SULT1B1: variants seen among roughly 807,000 people sequenced by gnomAD.
The protein encoded by SULT1B1 is sulfotransferase family 1B member 1, also known as sulfotransferase 1B1.
Under a neutral mutation model 34.6 loss-of-function variants are expected in SULT1B1, and 28 were observed. That is an observed-to-expected ratio of 0.81 (90% CI 0.60 to 1.11). The LOEUF is 1.11. Ranked by LOEUF, SULT1B1 falls within the 50% of genes least tolerant of loss-of-function variation. The pLI, the probability that SULT1B1 is intolerant of heterozygous loss-of-function variation, is 0.00. For missense variants in SULT1B1, 374 were observed against 352.2 expected (o/e 1.06, Z -0.50); for synonymous variants, 147 against 110.2 (o/e 1.33, Z -2.09).
At chr4:69,728,040 C>CT (rs1346929555) in intron 7 of SULT1B1, among the ~76,000 whole-genome samples, 2 of 151,856 alleles carry the variant, frequency 1.3e-5, no homozygotes, top group African/African-American at 4.8e-5. Context: ...TATAGATATG[C>CT]TTTTTTCCCT....
intron 3 of SULT1B1, among the ~76,000 whole-genome samples, chr4:69,753,094 T>C (rs1445066529): frequency 7.2e-5 from 11 of 152,212 alleles, no homozygotes. Context: ...AATGAATATA[T>C]TTTTACAAGC....
Position 69,733,424 on chromosome 4 carries a change from C to A in SULT1B1, c.586G>T (p.Asp196Tyr). 5 of 1,600,928 alleles carry A rather than the reference C, an allele frequency of 3.1e-6. No homozygotes were observed. The highest frequency in any genetic ancestry group is 4.3e-6 in the Non-Finnish European group (5 of 1,173,910). The change falls in exon 6 of 8, where the codon GAT (aspartate) becomes TAT (tyrosine). Residue 196 changes from aspartate to tyrosine, a missense_variant. Coordinates refer to ENST00000310613, the MANE Select transcript of SULT1B1 (RefSeq NM_014465.4). ...EHPILFLYYE[D>Y]MKENPKEEIK... The stretch of plus-strand genomic sequence containing the variant: ...ATCTACCATTTTACCTCTTTCATAT[C>A]TTCATAGTACAAAAAAAGTATTGGG...
At chr4:69,737,899 G>T (rs756750934) in intron 4 of SULT1B1, among the ~76,000 whole-genome samples, 2 of 152,094 alleles carry the variant, frequency 1.3e-5, no homozygotes, top group Non-Finnish European at 2.9e-5. Flanking sequence ...GTGGGCGCAT[G>T]TGCAGATTTG....
At chr4:69,747,476 C>T (rs1197169085) in intron 4 of SULT1B1, among the ~76,000 whole-genome samples, 1 of 152,182 alleles carries the variant, frequency 6.6e-6, no homozygotes, top group Non-Finnish European at 1.5e-5. Flanking sequence ...TAGAAGCCAG[C>T]ACAGAGAGGA....
intron 1 of SULT1B1, among the ~76,000 whole-genome samples, chr4:69,758,889 T>C (rs1192060224): frequency 2.0e-5 from 3 of 152,232 alleles, no homozygotes; most frequent in South Asian, 2.1e-4. Context: ...TTACAGTCCA[T>C]GTACAAGCCC....
At position 69,723,105 on chromosome 4, in the gene SULT1B1, C is replaced by A. The variant is rs1288231326; in HGVS notation, c.*3983G>T. 1 of 151,802 alleles carries A rather than the reference C, an allele frequency of 6.6e-6. No individual in the cohort carries two copies. The highest frequency in any genetic ancestry group is 1.5e-5 in the Non-Finnish European group (1 of 67,950). 9.4% of individuals were successfully genotyped at this position (151,802 alleles called of 1,614,324 possible). On this transcript the variant is annotated 3_prime_UTR_variant, in exon 8 of 8. Transcript: ENST00000310613. ...GGAGCTGGTTTTTCGAAAAGATCAA[C>A]AAAATTGATAGACCACCAGCAAGAC...
rs958910046 is a variant in SULT1B1, at chr4:69,754,657, G to A, written c.277+13C>T. On this transcript the variant is annotated intron_variant, in intron 3 of 7. Coordinates refer to ENST00000310613, the MANE Select transcript of SULT1B1 (RefSeq NM_014465.4). ...ATATTACAAAATAATAATTCCAAGT[G>A]GGTTAAATTTACCTGATGTTCTTAA... The A allele has an allele frequency of 6.2e-7, 1 of 1,610,352 alleles. No individual in the cohort carries two copies. The highest frequency in any genetic ancestry group is 1.3e-5 in the African/African-American group (1 of 74,708).
rs1387632176 is a variant in SULT1B1 at position 69,723,786 on chromosome 4, C to G, written c.*3302G>C. Reference sequence around the variant, plus strand: ...CCAAAGACAAAAACCACATGATTATCTCAATAGATGCAGAAAAGGCCTTTG... The same window carrying G: ...CCAAAGACAAAAACCACATGATTATGTCAATAGATGCAGAAAAGGCCTTTG... On this transcript the variant is annotated 3_prime_UTR_variant, in exon 8 of 8. Coordinates refer to ENST00000310613, the MANE Select transcript of SULT1B1 (RefSeq NM_014465.4). 5.9e-5 allele frequency: 9 copies of G among 152,172 alleles called. No homozygotes were observed. Among genetic ancestry groups the G allele is most frequent in the African/African-American group, 9.7e-5 (4 of 41,450 alleles). 9.4% of individuals were successfully genotyped at this position (152,172 alleles called of 1,614,324 possible).
At chr4:69,737,035 CTA>C (rs1718347557) in intron 4 of SULT1B1, among the ~76,000 whole-genome samples, 3 of 150,802 alleles carry the variant, frequency 2.0e-5, no homozygotes, top group Non-Finnish European at 4.4e-5. Flanking sequence ...AAAAAAAAAA[CTA>C]TGTCAAGAAA....
chr4:69,760,183 A>T (rs1193011273), intron 1 of SULT1B1: 14 of 976,714 alleles, frequency 1.4e-5, no homozygotes, highest in Non-Finnish European at 1.7e-5. Context: ...CTTGAAAAAG[A>T]TTTCTTTTTC....
At chr4:69,744,549 C>T (rs1300949460) in intron 4 of SULT1B1, among the ~76,000 whole-genome samples, 1 of 152,226 alleles carries the variant, frequency 6.6e-6, no homozygotes, top group Non-Finnish European at 1.5e-5. Flanking sequence ...CTAGCAGTCT[C>T]TGCAGGTTCC....
chr4:69,743,976 C>A (rs551289391), intron 4 of SULT1B1, among the ~76,000 whole-genome samples: 1 of 152,222 alleles, frequency 6.6e-6, no homozygotes, highest in East Asian at 1.9e-4. Flanking sequence ...CTGCTCCTGG[C>A]CCCCAAAAGC....
In SULT1B1 at chr4:69,734,268, C is replaced by T. The variant is rs368506503; in HGVS notation, c.376-4G>A. The T allele has an allele frequency of 2.3e-5, 37 of 1,607,660 alleles. No individual in the cohort carries two copies. The highest frequency in any genetic ancestry group is 2.8e-5 in the Non-Finnish European group (33 of 1,177,542). ...CATTACGAGCCAGATAAATCATCTG[C>T]AGTGGGGGGTGGGGGTAGGAGAAAA... On this transcript the variant is annotated splice_polypyrimidine_tract_variant and splice_region_variant and intron_variant, in intron 4 of 7. Transcript: ENST00000310613.
At chr4:69,734,849 C>T (rs531415498) in intron 4 of SULT1B1, among the ~76,000 whole-genome samples, 6 of 126,666 alleles carry the variant, frequency 4.7e-5, no homozygotes, top group Non-Finnish European at 8.1e-5. Flanking sequence ...TTTTTTGAGA[C>T]GCCCTGTCGC....
chr4:69,749,182 C>T (rs1186662867), intron 4 of SULT1B1, among the ~76,000 whole-genome samples: 1 of 151,980 alleles, frequency 6.6e-6, no homozygotes, highest in Non-Finnish European at 1.5e-5. Context: ...ACAAATCCTG[C>T]AGCCGTTAAA....
At chr4:69,753,724 T>A (rs2110031338) in intron 3 of SULT1B1, among the ~76,000 whole-genome samples, 1 of 152,370 alleles carries the variant, frequency 6.6e-6, no homozygotes, top group Non-Finnish European at 1.5e-5. Context: ...GCTGTCATCT[T>A]ACACATTTTA....
rs544880896 is a variant in SULT1B1 at position 69,729,202 on chromosome 4, T to C, written c.778+1299A>G. 3.3e-5 allele frequency among the ~76,000 whole-genome samples: 5 copies of C among 152,198 alleles called. No homozygotes were observed. In the South Asian group the frequency reaches 1.0e-3, roughly 32 times the overall value. ...CCAGGAAAAAGAATATATATGTACA[T>C]GTACACAACTGACCCTTGAACAATA... On this transcript the variant is annotated intron_variant, in intron 7 of 7. Transcript: ENST00000310613.
intron 4 of SULT1B1, among the ~76,000 whole-genome samples, chr4:69,747,038 C>A (rs1303284630): frequency 6.6e-6 from 1 of 152,204 alleles, no homozygotes; most frequent in African/African-American, 2.4e-5. Flanking sequence ...TTGCTTTGTT[C>A]TCTGGCCCCT....
chr4:69,728,367 C>G (rs1202391949), intron 7 of SULT1B1, among the ~76,000 whole-genome samples: 4 of 151,968 alleles, frequency 2.6e-5, no homozygotes, highest in Admixed American at 6.6e-5. Context: ...CATAATCTAT[C>G]CCACCCTCAT....
Sources: gnomAD v4.1 joint callset for allele counts (sites outside exome capture counted in the v4.1 genomes callset) on GRCh38, gnomAD v4.1.1 for gene constraint, MANE v1.5 for transcripts, NCBI Gene and HGNC (gene_info 2026-07-23, HGNC 2026-07-21) for gene names.